Variants in CEP350 observed in about 807,000 individuals in gnomAD.
CEP350 encodes the protein centrosomal protein 350.
CEP350 carries 126 observed loss-of-function variants against 331.8 expected under a neutral mutation model. The observed-to-expected ratio is 0.38, with a 90% confidence interval of 0.33 to 0.44. The LOEUF is 0.44. Ranked by LOEUF, CEP350 falls within the 20% of genes least tolerant of loss-of-function variation. The pLI is 1.00. For synonymous variants in CEP350, 1,200 were observed against 1,259.5 expected (o/e 0.95, Z 1.00); for missense variants, 3,406 against 3,634.6 (o/e 0.94, Z 1.62).
intron 22 of CEP350, 64 bp downstream of exon 22, chr1:180,048,769 G>T (rs753616502): frequency 7.6e-7 from 1 of 1,319,554 alleles, no homozygotes; most frequent in African/African-American, 1.5e-5. Flanking sequence ...GGTGATCCTT[G>T]TTATAAAGTG....
Position 179,997,235 on chromosome 1 carries a change from GGT to G in CEP350, c.1018+63_1018+64del. On this transcript the variant is annotated intron_variant, in intron 6 of 37. Coordinates refer to ENST00000367607, the MANE Select transcript of CEP350 (RefSeq NM_014810.5). ...CTTCTTTGTTCTTCTTTCTCCCTAG[GGT>G]GTATTTGAATAGAGAGGATCACCTT... The G allele has an allele frequency of 2.6e-6, 4 of 1,526,450 alleles. No individual in the cohort carries two copies. The South Asian group carries it at 3.9e-5, about 15-fold the overall frequency. 94.6% of individuals were successfully genotyped at this position (1,526,450 alleles called of 1,614,324 possible). A position where few individuals can be genotyped will look rare whatever the true frequency, so the allele number is the denominator to read the frequency against.
chr1:180,054,063 G>T, intron 24 of CEP350, 129 bp downstream of exon 24: 1 of 683,114 alleles, frequency 1.5e-6, no homozygotes, highest in Non-Finnish European at 2.3e-6. Flanking sequence ...AGAAATAACG[G>T]CAGTCATACT....
intron 1 of CEP350, among the ~76,000 whole-genome samples, chr1:179,965,487 C>T (rs927545191): frequency 1.3e-5 from 2 of 151,978 alleles, no homozygotes; most frequent in Non-Finnish European, 2.9e-5. Flanking sequence ...TATATAGGCA[C>T]ATACATTTAC....
At chr1:180,082,623 G>A (rs904196117) in intron 30 of CEP350, among the ~76,000 whole-genome samples, 6 of 152,000 alleles carry the variant, frequency 3.9e-5, no homozygotes, top group Non-Finnish European at 8.8e-5. Flanking sequence ...ACTGCATTTG[G>A]TTTCTTTAGT....
At chr1:180,032,924 A>G (rs947922214) in intron 15 of CEP350, among the ~76,000 whole-genome samples, 3 of 152,130 alleles carry the variant, frequency 2.0e-5, no homozygotes, top group African/African-American at 7.2e-5. Context: ...GTATTTATCT[A>G]AAGTATCAAT....
In CEP350 at chr1:179,961,184, G is replaced by T. The variant is rs551374884; in HGVS notation, c.-14+6042G>T. ...CTCATGGCCAGGCGCGGTGGCTCATGCCTATAATGCCAGCACTTTGGAAGG... is the reference window on the plus strand; with the variant it reads ...CTCATGGCCAGGCGCGGTGGCTCATTCCTATAATGCCAGCACTTTGGAAGG... On this transcript the variant is annotated intron_variant, in intron 1 of 37. Transcript: ENST00000367607. Among the ~76,000 whole-genome samples the T allele has an allele frequency of 8.5e-5, 13 of 152,274 alleles. No homozygotes were observed. The South Asian group carries it at 2.7e-3, about 32-fold the overall frequency.
intron 21 of CEP350, among the ~76,000 whole-genome samples, chr1:180,047,361 A>C (rs1330959237): frequency 6.6e-6 from 1 of 152,216 alleles, no homozygotes; most frequent in Non-Finnish European, 1.5e-5. Flanking sequence ...TTGAAGCTTA[A>C]AATCAAGGGA....
At chr1:180,057,421 T>TA (rs1657925336) in intron 25 of CEP350, among the ~76,000 whole-genome samples, 2 of 152,134 alleles carry the variant, frequency 1.3e-5, no homozygotes, top group Non-Finnish European at 2.9e-5. Context: ...TTTCTACTTA[T>TA]TATCCATAGT....
At chr1:180,035,463 CTATT>C (rs1286987238) in intron 16 of CEP350, among the ~76,000 whole-genome samples, 1 of 152,164 alleles carries the variant, frequency 6.6e-6, no homozygotes, top group African/African-American at 2.4e-5. Flanking sequence ...AGCTGACTGT[CTATT>C]TAGGGGTTAA....
chr1:180,039,237 A>ACAT (rs1167751310), intron 17 of CEP350, among the ~76,000 whole-genome samples: 3 of 127,012 alleles, frequency 2.4e-5, no homozygotes, highest in African/African-American at 8.7e-5. Flanking sequence ...TCCAGAGTGA[A>ACAT]ACCCTGTCTC....
intron 11 of CEP350, among the ~76,000 whole-genome samples, chr1:180,017,632 C>T (rs1426056751): frequency 6.6e-6 from 1 of 152,180 alleles, no homozygotes; most frequent in Non-Finnish European, 1.5e-5. Flanking sequence ...TCTTTGACTC[C>T]TGATGTCTAA....
In CEP350 at chr1:179,954,838, C is replaced by CG. The variant is rs1271237572; in HGVS notation, c.-317dup. The CG allele has an allele frequency of 4.6e-6, 2 of 430,682 alleles. No homozygotes were observed. The highest frequency in any genetic ancestry group is 8.2e-6 in the Non-Finnish European group (2 of 244,504). The allele number at this position is 430,682 out of a possible 1,614,324, so 26.7% of individuals were successfully genotyped here. A position where few individuals can be genotyped will look rare whatever the true frequency, so the allele number is the denominator to read the frequency against. ...TGTTGGGCTGTAATGGCGACTGGGCCGCCCCTGACGAAGTGACTCCCGGGC... is the reference window on the plus strand; with the variant it reads ...TGTTGGGCTGTAATGGCGACTGGGCCGGCCCCTGACGAAGTGACTCCCGGGC... On this transcript the variant is annotated 5_prime_UTR_variant, in exon 1 of 38. It removes the in-frame stop codon of an upstream open reading frame in the 5' UTR. Transcript: ENST00000367607.
intron 6 of CEP350, among the ~76,000 whole-genome samples, chr1:179,997,527 G>C (rs1653545237): frequency 6.8e-6 from 1 of 147,594 alleles, no homozygotes. Context: ...TGGGGCGACA[G>C]AGTGAGACTC....
intron 1 of CEP350, among the ~76,000 whole-genome samples, chr1:179,970,986 T>G (rs552871221): frequency 6.6e-6 from 1 of 152,212 alleles, no homozygotes; most frequent in East Asian, 1.9e-4. Context: ...AAAATAATGA[T>G]AAACCTATTA....
chr1:180,110,722 G>A (rs190481050), intron 37 of CEP350, among the ~76,000 whole-genome samples: 7 of 152,078 alleles, frequency 4.6e-5, no homozygotes, highest in East Asian at 3.9e-4. Context: ...ATTCCCTTAC[G>A]TTGACATTGA....
intron 28 of CEP350, among the ~76,000 whole-genome samples, chr1:180,078,016 C>G (rs1659339275): frequency 6.6e-6 from 1 of 151,936 alleles, no homozygotes; most frequent in Admixed American, 6.6e-5. Flanking sequence ...GTCTGTAATC[C>G]CAGCTACTTG....
Position 180,020,464 on chromosome 1 carries a change from T to C in CEP350, c.2690T>C (p.Leu897Pro). 2 of 1,614,018 alleles carry C rather than the reference T, an allele frequency of 1.2e-6. No individual in the cohort carries two copies. The highest frequency in any genetic ancestry group is 1.7e-6 in the Non-Finnish European group (2 of 1,179,904). The part of the protein sequence containing the change: ...DVFSARIQKM[L>P]GSCVSHATFD... Reference sequence around the variant, plus strand: ...TTCTCTGCCAGAATTCAGAAGATGCTGGGAAGCTGTGTATCTCATGCAACT... The same window carrying C: ...TTCTCTGCCAGAATTCAGAAGATGCCGGGAAGCTGTGTATCTCATGCAACT... The change falls in exon 12 of 38, where the codon CTG becomes CCG. Residue 897 changes from leucine to proline, a missense_variant. By Grantham distance (98) the Leu-to-Pro change is moderately conservative (BLOSUM62 -3). This residue lies in a region of CEP350 where 1,857 missense variants were observed against 1,909.2 expected (regional missense o/e 0.97). Transcript: ENST00000367607.
chr1:180,090,154 T>G (rs6682558), intron 32 of CEP350, among the ~76,000 whole-genome samples: 129,036 of 152,106 alleles, frequency 0.85, 54,965 homozygotes, highest in South Asian at 0.94. Flanking sequence ...TGAACTTGCA[T>G]GTAAAAGTTT....
intron 17 of CEP350, among the ~76,000 whole-genome samples, chr1:180,039,323 G>A (rs1428838977): frequency 6.6e-6 from 1 of 150,718 alleles, no homozygotes; most frequent in East Asian, 1.9e-4. Flanking sequence ...GGGATAGGAG[G>A]GAACGGAAAG....
Sources: gnomAD v4.1 joint callset for allele counts (sites outside exome capture counted in the v4.1 genomes callset) on GRCh38, gnomAD v4.1.1 for gene constraint, gnomAD v4.1.1 regional missense constraint, MANE v1.5 for transcripts, NCBI Gene and HGNC (gene_info 2026-07-23, HGNC 2026-07-21) for gene names.